Variants in DUOX1 observed in about 807,000 individuals in gnomAD.
DUOX1 encodes NADPH thyroid oxidase 1.
In DUOX1, 134 loss-of-function variants were observed where a neutral mutation model predicts 181.8. The observed-to-expected ratio is 0.74, with a 90% CI of 0.64 to 0.85. The LOEUF (loss-of-function observed/expected upper bound fraction) is 0.85. Among genes scored for constraint, DUOX1 ranks in the 40% least tolerant of loss-of-function variants. The pLI is 0.00. For synonymous variants in DUOX1, 798 were observed against 832.5 expected (o/e 0.96, Z 0.71); for missense variants, 1,814 against 2,064.4 (o/e 0.88, Z 2.35).
At chr15:45,151,052 G>A (rs1827851050) in intron 22 of DUOX1, 71 bp from the exon 23 acceptor site, 2 of 1,588,256 alleles carry the variant, frequency 1.3e-6, no homozygotes, top group East Asian at 2.2e-5. Flanking sequence ...GGGTTTGGAG[G>A]CAGACCAGGA....
chr15:45,144,384 AGAGAGATAAAC>A (rs1896595357), intron 17 of DUOX1, 149 bp downstream of exon 17: 1 of 829,026 alleles, frequency 1.2e-6, no homozygotes, highest in Non-Finnish European at 1.9e-6. Flanking sequence ...AGTACCTGAT[AGAGAGATAAAC>A]TTGGACACGT....
chr15:45,150,368 C>G, intron 21 of DUOX1: 1 of 498,688 alleles, frequency 2.0e-6, no homozygotes, highest in Non-Finnish European at 3.6e-6. Flanking sequence ...CCCATAGTCC[C>G]AGAAGTGGGA....
Position 45,163,522 on chromosome 15 carries a change from G to A in DUOX1, c.4249-10G>A. ...GAGATGGGTCCTGAACTCCAGCCCT[G>A]TGTCCCCAGATCTACTTCATCTGGG... is the stretch of plus-strand genomic sequence containing the variant. On this transcript the variant is annotated splice_polypyrimidine_tract_variant and intron_variant, in intron 31 of 33. Transcript: ENST00000389037. The A allele has an allele frequency of 1.2e-6, 2 of 1,613,876 alleles. No homozygotes were observed. Among genetic ancestry groups the A allele is most frequent in the South Asian group, 1.1e-5 (1 of 91,058 alleles).
chr15:45,138,079 T>TGTGTGA, intron 10 of DUOX1, 65 bp downstream of exon 10: 1 of 646,632 alleles, frequency 1.5e-6, no homozygotes, highest in Non-Finnish European at 2.0e-6. Flanking sequence ...TGTGTGTGTA[T>TGTGTGA]GTGTGTGTGT....
Position 45,139,320 on chromosome 15 carries a change from CTCCT to C in DUOX1, c.1217-104_1217-101del. On this transcript the variant is annotated intron_variant, in intron 11 of 33. Coordinates refer to ENST00000389037, the MANE Select transcript of DUOX1 (RefSeq NM_175940.3). ...AGAGCTTCTGACATGCTGACCATGG[CTCCT>C]TCTGGCTCAAGTCTCCTGGGGCTGG... 1.9e-6 allele frequency: 3 copies of C among 1,586,620 alleles called. No homozygotes were observed. The South Asian group carries it at 3.4e-5, about 18-fold the overall frequency.
At chr15:45,151,313 T>C in intron 23 of DUOX1, 65 bp downstream of exon 23, 1 of 1,580,290 alleles carries the variant, frequency 6.3e-7, no homozygotes, top group Non-Finnish European at 8.6e-7. Context: ...AAACATCTTT[T>C]CCTTGGTGCC....
At chr15:45,156,757 C>G (rs768641923) in intron 28 of DUOX1, among the ~76,000 whole-genome samples, 53 of 152,224 alleles carry the variant, frequency 3.5e-4, no homozygotes, top group Non-Finnish European at 6.5e-4. Context: ...AAGACTCTAC[C>G]TATCCCCTTT....
chr15:45,133,905 G>A lies in DUOX1; in HGVS notation c.100G>A (p.Gly34Arg), dbSNP rs1390473485. 1 of 1,614,028 alleles carries A rather than the reference G, an allele frequency of 6.2e-7. No individual in the cohort carries two copies. Among genetic ancestry groups the A allele is most frequent in the South Asian group, 1.1e-5 (1 of 91,076 alleles). The change falls in exon 3 of 34, where the codon GGG becomes AGG. Residue 34 changes from glycine (G) to arginine (R), a missense_variant. Transcript: ENST00000389037. ...PISWEVQRFDGWYNNLMEHRW... is the reference protein window; with the variant it reads ...PISWEVQRFDRWYNNLMEHRW... ...TTCGTGGGAGGTGCAGCGATTTGAT[G>A]GGTGGTACAACAACCTCATGGAGCA...
chr15:45,144,312 G>T, intron 17 of DUOX1, 77 bp downstream of exon 17: 1 of 1,468,022 alleles, frequency 6.8e-7, no homozygotes, highest in Non-Finnish European at 9.4e-7. Flanking sequence ...GAAGAAGCAT[G>T]GGGTCAGGAG....
chr15:45,135,412 C>A, intron 5 of DUOX1, 62 bp from the exon 6 acceptor site: 1 of 1,519,328 alleles, frequency 6.6e-7, no homozygotes, highest in Non-Finnish European at 8.8e-7. Context: ...CCCGCCGGGC[C>A]CCGGCCTTCC....
chr15:45,140,203 G>A (rs1228356898), intron 12 of DUOX1, among the ~76,000 whole-genome samples: 1 of 152,224 alleles, frequency 6.6e-6, no homozygotes, highest in Non-Finnish European at 1.5e-5. Flanking sequence ...TGTTTCTACA[G>A]TTGTGTGCCT....
rs949956630 is a variant in DUOX1, at chr15:45,151,934, C to T, written c.3075C>T (p.Ser1025=). Residue 1025 remains serine (S), a synonymous_variant, in exon 24 of 34, where the codon AGC becomes AGT. Coordinates refer to ENST00000389037, the MANE Select transcript of DUOX1 (RefSeq NM_175940.3). Reference sequence around the variant, plus strand: ...CGCACCGAGAGAAGTTCCAACGCAGCTGTCTCCACCAGACGGTGCAACAGT... The same window carrying T: ...CGCACCGAGAGAAGTTCCAACGCAGTTGTCTCCACCAGACGGTGCAACAGT... ...TEAHREKFQR[S]CLHQTVQQFK... 6.2e-7 allele frequency: 1 copy of T among 1,614,084 alleles called. No homozygotes were observed. Among genetic ancestry groups the T allele is most frequent in the Non-Finnish European group, 8.5e-7 (1 of 1,180,002 alleles).
Position 45,147,966 on chromosome 15 carries a change from AT to A in DUOX1, c.2614del (p.Ser872ProfsTer9). 1 of 1,614,166 alleles carries A rather than the reference AT, an allele frequency of 6.2e-7. No individual in the cohort carries two copies. The highest frequency in any genetic ancestry group is 1.1e-5 in the South Asian group (1 of 91,082). ...GTACGACTTTGATGGGAATGGCCTC[AT>A]TTCCAAGGATGAGTTCATCAGGATG... is the stretch of plus-strand genomic sequence containing the variant. ...RMYDFDGNGL[I>X]SKDEFIRMLR... On this transcript the variant is annotated frameshift_variant, in exon 20 of 34. Transcript: ENST00000389037. LOFTEE classifies it high-confidence loss of function.
At chr15:45,153,219 TAAA>T (rs71114313) in intron 25 of DUOX1, 158 bp from the exon 26 acceptor site, 37,963 of 195,794 alleles carry the variant, frequency 0.19, 1,189 homozygotes, top group African/African-American at 0.27. Context: ...AGACTCCATC[TAAA>T]AAAAAAAAAA....
At chr15:45,151,339 C>T in intron 23 of DUOX1, 91 bp downstream of exon 23, 1 of 1,517,834 alleles carries the variant, frequency 6.6e-7, no homozygotes, top group Non-Finnish European at 8.9e-7. Flanking sequence ...CTGTGCTAAA[C>T]ATTGTGGGTA....
chr15:45,155,804 C>T lies in DUOX1; in HGVS notation c.3577C>T (p.Leu1193Phe). The T allele has an allele frequency of 3.7e-6, 6 of 1,613,664 alleles. No individual in the cohort carries two copies. Among genetic ancestry groups the T allele is most frequent in the Non-Finnish European group, 4.2e-6 (5 of 1,180,014 alleles). Residue 1193 changes from leucine to phenylalanine, a missense_variant and splice_region_variant, in exon 28 of 34, where the codon CTC (leucine) becomes TTC (phenylalanine). This residue lies in a region of DUOX1 where 279 missense variants were observed against 381.9 expected (regional missense o/e 0.73). Transcript: ENST00000389037. ...YWWFFQTVPG[L>F]TGVVLLLILA... ...TCCACCCTATATTCATTTTGCAGGC[C>T]TCACGGGGGTTGTGCTGCTCCTGAT...
Position 45,135,084 on chromosome 15 carries a change from C to A in DUOX1, c.308-20C>A, listed in dbSNP as rs1595575119. The stretch of plus-strand genomic sequence containing the variant: ...GTGGCCCTCTGCTTGCCCTAGCACC[C>A]CCTCCTGCACTGCCCGCAGGCTATC... On this transcript the variant is annotated intron_variant, in intron 4 of 33. Transcript: ENST00000389037. 1 of 1,608,752 alleles carries A rather than the reference C, an allele frequency of 6.2e-7. No individual in the cohort carries two copies. Among genetic ancestry groups the A allele is most frequent in the Non-Finnish European group, 8.5e-7 (1 of 1,178,154 alleles).
intron 29 of DUOX1, among the ~76,000 whole-genome samples, chr15:45,161,463 A>AGGGG (rs1397004268): frequency 1.6e-5 from 2 of 127,200 alleles, no homozygotes; most frequent in South Asian, 2.6e-4. Flanking sequence ...GGAGGGAGGG[A>AGGGG]GGAAGGAAGG....
intron 10 of DUOX1, among the ~76,000 whole-genome samples, chr15:45,138,247 C>A (rs1896387798): frequency 6.6e-6 from 1 of 152,130 alleles, no homozygotes; most frequent in African/African-American, 2.4e-5. Context: ...AAAAGCCAAC[C>A]CACCACCCCA....
Sources: allele counts gnomAD v4.1 joint callset (sites outside exome capture counted in the v4.1 genomes callset), GRCh38; gene constraint gnomAD v4.1.1; regional missense constraint gnomAD v4.1.1; transcripts MANE v1.5; gene names NCBI Gene and HGNC (gene_info 2026-07-23, HGNC 2026-07-21).